MYO15A: variants seen among roughly 807,000 people sequenced by gnomAD.
MYO15A encodes myosin XVA.
A neutral mutation model predicts 394.6 loss-of-function variants in MYO15A; 308 were observed. The ratio of observed to expected loss-of-function variants is 0.78; its 90% CI spans 0.71 to 0.86. The LOEUF is 0.86. MYO15A is among the 40% of genes least tolerant of loss of function. The pLI, the probability that MYO15A is intolerant of heterozygous loss-of-function variation, is 0.00. For synonymous variants in MYO15A, 1,957 were observed against 2,003.8 expected (o/e 0.98, Z 0.62); for missense variants, 4,606 against 4,799.1 (o/e 0.96, Z 1.19).
chr17:18,167,540 G>C (rs772838157), intron 61 of MYO15A, 50 bp from the exon 62 acceptor site: 1 of 1,598,960 alleles, frequency 6.3e-7, no homozygotes, highest in Non-Finnish European at 8.5e-7. Context: ...GCAGCCAAGT[G>C]CCTGCACGCG....
At chr17:18,110,926 A>G (rs1250875927) in intron 1 of MYO15A, among the ~76,000 whole-genome samples, 2 of 152,170 alleles carry the variant, frequency 1.3e-5, no homozygotes. Flanking sequence ...TATCCTTCAG[A>G]TCTTGGCTCA....
At chr17:18,130,109 G>A (rs2046125650) in intron 7 of MYO15A, among the ~76,000 whole-genome samples, 1 of 152,100 alleles carries the variant, frequency 6.6e-6, no homozygotes, top group African/African-American at 2.4e-5. Flanking sequence ...TGGATCTCCG[G>A]GCCTCGTGAT....
intron 64 of MYO15A, among the ~76,000 whole-genome samples, chr17:18,173,285 G>A (rs1413878200): frequency 1.3e-5 from 2 of 152,114 alleles, no homozygotes; most frequent in Admixed American, 6.5e-5. Context: ...TTTGCTTCCT[G>A]GGCCAGAAAA....
chr17:18,136,128 C>T (rs1385690471), intron 13 of MYO15A, among the ~76,000 whole-genome samples: 1 of 152,206 alleles, frequency 6.6e-6, no homozygotes, highest in African/African-American at 2.4e-5. Context: ...GGGTCAGTGC[C>T]TCCTCTGGTC....
chr17:18,150,983 C>T lies in MYO15A; in HGVS notation c.7473+70C>T. On this transcript the variant is annotated intron_variant, in intron 38 of 65. Coordinates refer to ENST00000647165, the MANE Select transcript of MYO15A (RefSeq NM_016239.4). The surrounding 1 kb of genome is among the most constrained non-coding windows in gnomAD (Gnocchi z 4.4). ...AGCTGTAAAGAGGAATGCTGTGCTG[C>T]TCCAGGGCACTATTGTGCCTCTTTG... 1 of 1,607,064 alleles carries T rather than the reference C, an allele frequency of 6.2e-7. No individual in the cohort carries two copies. The highest frequency in any genetic ancestry group is 1.7e-4 in the Middle Eastern group (1 of 6,048).
intron 64 of MYO15A, chr17:18,173,477 T>C (rs2046970081): frequency 4.9e-6 from 2 of 411,648 alleles, no homozygotes; most frequent in South Asian, 4.6e-5. Context: ...GAAGCAACTT[T>C]GATGTGAAGT....
rs2046801744 is a variant in MYO15A at position 18,163,232 on chromosome 17, T to C, written c.9613-12T>C. 2 of 1,613,822 alleles carry C rather than the reference T, an allele frequency of 1.2e-6. No individual in the cohort carries two copies. The highest frequency in any genetic ancestry group is 2.2e-5 in the East Asian group (1 of 44,888). ...CCCAACCTGTCATCCCTCTCCCACCTATCTACCCCAGGCAGGCCGCAGTTC... is the reference window on the plus strand; with the variant it reads ...CCCAACCTGTCATCCCTCTCCCACCCATCTACCCCAGGCAGGCCGCAGTTC... On this transcript the variant is annotated splice_polypyrimidine_tract_variant and intron_variant, in intron 58 of 65. Transcript: ENST00000647165.
chr17:18,157,615 T>C, intron 50 of MYO15A, 107 bp from the exon 51 acceptor site: 1 of 1,557,306 alleles, frequency 6.4e-7, no homozygotes, highest in South Asian at 1.2e-5. Context: ...GCCTGCCTCA[T>C]AGAGTTCCAG....
In MYO15A at chr17:18,119,079, CAAG is replaced by C; in HGVS notation, c.286_288del (p.Lys96del). 1.2e-6 allele frequency: 2 copies of C among 1,611,942 alleles called. No individual in the cohort carries two copies. The highest frequency in any genetic ancestry group is 1.1e-5 in the South Asian group (1 of 90,948). On this transcript the variant is annotated inframe_deletion, in exon 2 of 66. Transcript: ENST00000647165. ...AGCTCATGACGCAGATGCGCATGGG[CAAG>C]AAGAAGCGGGCGATGAAGGGCAAGA...
intron 60 of MYO15A, 106 bp from the exon 61 acceptor site, chr17:18,166,255 A>G: frequency 6.9e-7 from 1 of 1,454,518 alleles, no homozygotes; most frequent in Non-Finnish European, 9.4e-7. Flanking sequence ...CCGAGGTGAT[A>G]CCTCACCTGG....
Position 18,144,800 on chromosome 17 carries a change from C to CAAA in MYO15A, c.6273+225_6273+227dup, listed in dbSNP as rs35437143. ...TTTCTTCTCCCAGCCATCTTCCTGG[C>CAAA]AAAAAAAAAAAAAAAAAAATTCTGC... On this transcript the variant is annotated intron_variant, in intron 29 of 65. Coordinates refer to ENST00000647165, the MANE Select transcript of MYO15A (RefSeq NM_016239.4). Among the ~76,000 whole-genome samples the CAAA allele has an allele frequency of 0.038, 4,391 of 116,958 alleles. 143 individuals are homozygous for CAAA. The highest frequency in any genetic ancestry group is 0.076 in the African/African-American group (2,341 of 31,004). 76.7% of individuals were successfully genotyped at this position (116,958 alleles called of 152,430 possible). A position where few individuals can be genotyped will look rare whatever the true frequency, so the allele number is the denominator to read the frequency against.
intron 8 of MYO15A, 51 bp downstream of exon 8, chr17:18,130,861 T>C: frequency 2.6e-6 from 4 of 1,534,906 alleles, no homozygotes; most frequent in Non-Finnish European, 3.6e-6. Flanking sequence ...TGTGTGTGTG[T>C]GTGTGTGTGT....
At position 18,120,457 on chromosome 17, in the gene MYO15A, C is replaced by CG. The variant is rs1245338270; in HGVS notation, c.1661dup (p.Leu555ProfsTer6). ...CGCGCTGTCGGCCTTCGGCGCCCAC[C>CG]GGGGCCTGGGCTTCGGCCCTGAGTT... On this transcript the variant is annotated frameshift_variant, in exon 2 of 66. Transcript: ENST00000647165. LOFTEE classifies it high-confidence loss of function. 25 of 1,577,028 alleles carry CG rather than the reference C, an allele frequency of 1.6e-5. No individual in the cohort carries two copies. The highest frequency in any genetic ancestry group is 2.1e-5 in the Non-Finnish European group (24 of 1,164,566).
At chr17:18,152,681 C>T (rs752375754) in intron 42 of MYO15A, among the ~76,000 whole-genome samples, 58 of 152,146 alleles carry the variant, frequency 3.8e-4, no homozygotes, top group Non-Finnish European at 7.4e-5. Context: ...CTATGAGACG[C>T]GACATGATGT....
intron 57 of MYO15A, 120 bp downstream of exon 57, chr17:18,161,567 A>G: frequency 7.0e-7 from 1 of 1,428,478 alleles, no homozygotes; most frequent in South Asian, 1.2e-5. Context: ...AGCAATGTTT[A>G]CCAATATTAA....
chr17:18,125,290 G>A, intron 4 of MYO15A, 59 bp downstream of exon 4: 1 of 1,510,278 alleles, frequency 6.6e-7, no homozygotes, highest in South Asian at 1.1e-5. Context: ...TGCCTCCTGG[G>A]GCCGGGTGGG....
intron 62 of MYO15A, among the ~76,000 whole-genome samples, chr17:18,171,080 A>G (rs1383140474): frequency 6.6e-6 from 1 of 152,056 alleles, no homozygotes; most frequent in East Asian, 1.9e-4. Context: ...TGCTATTGGT[A>G]TTTTCCAGAT....
chr17:18,146,566 T>C (rs1722207018), intron 30 of MYO15A, among the ~76,000 whole-genome samples: 1 of 152,186 alleles, frequency 6.6e-6, no homozygotes, highest in Admixed American at 6.5e-5. Context: ...TTTTATAGTT[T>C]ATAAGTGTGA....
rs1255486521 is a variant in MYO15A, at chr17:18,117,062, G to A, written c.-219-1520G>A. On this transcript the variant is annotated intron_variant, in intron 1 of 65. Transcript: ENST00000647165. This position sits in a 1 kb window ranked among gnomAD's most constrained non-coding sequence, Gnocchi z 4.1. ...TGTGCAGGAGGCCCACTTCCTGCAC[G>A]TATCCCCTAACTCGCTCCAAAAGCC... 2.0e-5 allele frequency among the ~76,000 whole-genome samples: 3 copies of A among 152,118 alleles called. No individual in the cohort carries two copies. Among genetic ancestry groups the A allele is most frequent in the Non-Finnish European group, 4.4e-5 (3 of 68,020 alleles).
Sources: allele counts gnomAD v4.1 joint callset (sites outside exome capture counted in the v4.1 genomes callset), GRCh38; gene constraint gnomAD v4.1.1; non-coding constraint Gnocchi (gnomAD v3.1); transcripts MANE v1.5; gene names NCBI Gene and HGNC (gene_info 2026-07-23, HGNC 2026-07-21).